ERBB4: variants seen among roughly 807,000 people sequenced by gnomAD.
ERBB4 encodes the protein erb-b2 receptor tyrosine kinase 4.
Under a neutral mutation model 158.0 loss-of-function variants are expected in ERBB4, and 42 were observed. The observed-to-expected ratio is 0.27, with a 90% CI of 0.21 to 0.34. The LOEUF (loss-of-function observed/expected upper bound fraction) is 0.34, where lower values mean the gene tolerates loss of function less well. Among genes scored for constraint, ERBB4 ranks in the 10% least tolerant of loss-of-function variants. The probability of loss-of-function intolerance (pLI) is 1.00; values close to 1 mark genes in which losing one functional copy is unlikely to be tolerated. For missense variants in ERBB4, 1,333 were observed against 1,624.1 expected (o/e 0.82, Z 3.08); for synonymous variants, 583 against 558.7 (o/e 1.04, Z -0.61).
intron 1 of ERBB4, among the ~76,000 whole-genome samples, chr2:212,183,577 A>G (rs1397798359): frequency 6.6e-6 from 1 of 152,048 alleles, no homozygotes; most frequent in Non-Finnish European, 1.5e-5. Flanking sequence ...AAAGGAATGT[A>G]ATTGTTATCA....
intron 1 of ERBB4, among the ~76,000 whole-genome samples, chr2:212,204,816 C>CTTTT (rs369446940): frequency 4.1e-5 from 5 of 122,182 alleles, no homozygotes; most frequent in Admixed American, 9.0e-5. Flanking sequence ...TATATGAAAA[C>CTTTT]TTTTTTTTTT....
chr2:211,645,435 C>T (rs2070751040), intron 16 of ERBB4, among the ~76,000 whole-genome samples: 1 of 151,524 alleles, frequency 6.6e-6, no homozygotes, highest in Admixed American at 6.6e-5. Context: ...TATATATATT[C>T]TTATTCCTCC....
At chr2:212,077,817 C>A (rs1559453839) in intron 2 of ERBB4, among the ~76,000 whole-genome samples, 1 of 152,046 alleles carries the variant, frequency 6.6e-6, no homozygotes, top group South Asian at 2.1e-4. Flanking sequence ...TTTAGACCTG[C>A]CTTCTCCATG....
intron 4 of ERBB4, among the ~76,000 whole-genome samples, chr2:211,766,735 G>A (rs1162396463): frequency 6.6e-6 from 1 of 152,116 alleles, no homozygotes; most frequent in African/African-American, 2.4e-5. Flanking sequence ...GATCTGTGCT[G>A]ATTTCCTAGA....
intron 1 of ERBB4, among the ~76,000 whole-genome samples, chr2:212,172,488 A>T (rs2081547324): frequency 6.6e-6 from 1 of 152,212 alleles, no homozygotes. Flanking sequence ...AGCACTGTTC[A>T]CAATAGCAAA....
At chr2:211,657,700 C>A in intron 16 of ERBB4, 54 bp downstream of exon 16, 2 of 1,350,682 alleles carry the variant, frequency 1.5e-6, no homozygotes, top group South Asian at 2.3e-5. Context: ...ACTTTTTGTT[C>A]ATGATAACTA....
chr2:212,353,913 T>C (rs1268178195), intron 1 of ERBB4, among the ~76,000 whole-genome samples: 1 of 152,154 alleles, frequency 6.6e-6, no homozygotes, highest in Non-Finnish European at 1.5e-5. Flanking sequence ...TTAATTCCTT[T>C]CTTCTTCTTA....
At chr2:211,866,816 A>G (rs1053569009) in intron 3 of ERBB4, among the ~76,000 whole-genome samples, 4 of 152,072 alleles carry the variant, frequency 2.6e-5, no homozygotes, top group African/African-American at 4.8e-5. Flanking sequence ...TTACAAATAC[A>G]TTGACCTAAA....
chr2:211,998,576 G>A lies in ERBB4; in HGVS notation c.235-50960C>T, dbSNP rs2076026804. 2.0e-5 allele frequency among the ~76,000 whole-genome samples: 3 copies of A among 148,686 alleles called. No individual in the cohort carries two copies. The Admixed American group carries it at 2.0e-4, about 10-fold the overall frequency. Reference sequence around the variant, plus strand: ...ATAATCCCTCCTTGACCTGAAATCAGCGTATACTTTGTAAGTAAATTTCCC... The same window carrying A: ...ATAATCCCTCCTTGACCTGAAATCAACGTATACTTTGTAAGTAAATTTCCC... On this transcript the variant is annotated intron_variant, in intron 2 of 27. Transcript: ENST00000342788.
chr2:211,483,611 G>C (rs2065136473), intron 20 of ERBB4, among the ~76,000 whole-genome samples: 1 of 152,060 alleles, frequency 6.6e-6, no homozygotes, highest in Non-Finnish European at 1.5e-5. Flanking sequence ...GAGTGCAGTG[G>C]TGCGATCTTG....
chr2:212,027,446 T>C (rs536580762), intron 2 of ERBB4, among the ~76,000 whole-genome samples: 1 of 152,158 alleles, frequency 6.6e-6, no homozygotes, highest in East Asian at 1.9e-4. Context: ...TATACAAAAG[T>C]GATCCAAAAA....
intron 20 of ERBB4, among the ~76,000 whole-genome samples, chr2:211,451,338 T>A (rs886949652): frequency 6.6e-6 from 1 of 152,160 alleles, no homozygotes; most frequent in Non-Finnish European, 1.5e-5. Flanking sequence ...GACGGAAGTC[T>A]GAATAGTAGT....
intron 2 of ERBB4, among the ~76,000 whole-genome samples, chr2:211,961,866 T>C (rs1236629472): frequency 1.3e-5 from 2 of 152,136 alleles, no homozygotes; most frequent in Admixed American, 6.6e-5. Context: ...ATGTCACATG[T>C]CTTAAAGGAA....
At position 211,722,455 on chromosome 2, in the gene ERBB4, T is replaced by A; in HGVS notation, c.821A>T (p.Gln274Leu). The A allele has an allele frequency of 6.2e-7, 1 of 1,613,886 alleles. No homozygotes were observed. Among genetic ancestry groups the A allele is most frequent in the Non-Finnish European group, 8.5e-7 (1 of 1,179,778 alleles). The change falls in exon 7 of 28, where the codon CAA (glutamine) becomes CTA (leucine). Residue 274 changes from glutamine to leucine, a missense_variant. By Grantham distance (113) the Gln-to-Leu change is moderately radical. Coordinates refer to ENST00000342788, the MANE Select transcript of ERBB4 (RefSeq NM_005235.3). ...CTTTGCATTGAAATTGTGCTCCAGT[T>A]GAAAGGTGGTTGGATTGTAGACAAA... ...QTFVYNPTTF[Q>L]LEHNFNAKYT...
intron 1 of ERBB4, among the ~76,000 whole-genome samples, chr2:212,319,368 T>C (rs1041881455): frequency 6.6e-6 from 1 of 150,408 alleles, no homozygotes; most frequent in African/African-American, 2.4e-5. Flanking sequence ...TCTGGTTTGT[T>C]TGTTGTTTTT....
At chr2:212,398,360 G>A (rs1283822227) in intron 1 of ERBB4, among the ~76,000 whole-genome samples, 1 of 151,988 alleles carries the variant, frequency 6.6e-6, no homozygotes, top group Non-Finnish European at 1.5e-5. Flanking sequence ...TTCAGTGACA[G>A]CTTGAACCAA....
intron 19 of ERBB4, among the ~76,000 whole-genome samples, chr2:211,572,396 C>T (rs995244999): frequency 6.6e-6 from 1 of 152,276 alleles, no homozygotes; most frequent in Non-Finnish European, 1.5e-5. Context: ...GTCCCTCAAG[C>T]TCTATTCTCC....
intron 1 of ERBB4, among the ~76,000 whole-genome samples, chr2:212,405,729 G>A (rs1420192989): frequency 1.3e-5 from 2 of 152,028 alleles, no homozygotes; most frequent in Non-Finnish European, 2.9e-5. Flanking sequence ...ATTTTTGTAT[G>A]CTGGCTCCTA....
chr2:212,478,425 T>C (rs1261658653), intron 1 of ERBB4, among the ~76,000 whole-genome samples: 2 of 152,026 alleles, frequency 1.3e-5, no homozygotes, highest in Admixed American at 1.3e-4. Context: ...AAAATATGCA[T>C]TGAGAGTTTC....
Sources: allele counts gnomAD v4.1 joint callset (sites outside exome capture counted in the v4.1 genomes callset), GRCh38; gene constraint gnomAD v4.1.1; transcripts MANE v1.5; gene names NCBI Gene and HGNC (gene_info 2026-07-23, HGNC 2026-07-21).